Variants in R3HCC1 observed in about 807,000 individuals in gnomAD.
R3HCC1 encodes R3H and coiled-coil domain-containing protein 1.
Under a neutral mutation model 40.0 loss-of-function variants are expected in R3HCC1, and 32 were observed. The observed-to-expected ratio is 0.80, with a 90% CI of 0.60 to 1.07. The LOEUF is 1.07. Among genes scored for constraint, R3HCC1 ranks in the 50% least tolerant of loss-of-function variants. The probability of loss-of-function intolerance (pLI) is 0.00; values close to 1 mark genes in which losing one functional copy is unlikely to be tolerated. For missense variants in R3HCC1, 586 were observed against 563.3 expected, an observed-to-expected ratio of 1.04 and a Z score of -0.41; for synonymous variants, 237 against 232.8, an observed-to-expected ratio of 1.02 and a Z score of -0.17.
intron 4 of R3HCC1, 23 bp from the exon 5 acceptor site, chr8:23,291,338 G>GCT: frequency 2.6e-6 from 4 of 1,541,624 alleles, no homozygotes; most frequent in Non-Finnish European, 1.8e-6. Flanking sequence ...AGCTCCCCTT[G>GCT]CTAAGGGTCC....
Position 23,289,878 on chromosome 8 carries a change from G to A in R3HCC1, c.261G>A (p.Ser87=), listed in dbSNP as rs1337256748. The change falls in exon 4 of 8, where the codon TCG becomes TCA. Residue 87 remains serine, a synonymous_variant. Coordinates refer to ENST00000265806, the MANE Select transcript of R3HCC1 (RefSeq NM_001136108.3). Reference sequence around the variant, plus strand: ...ATTCCTGCTCCAGGGTACCCAGTTCGGATGGCCTCTCTGGCCCCTGCCGCG... The same window carrying A: ...ATTCCTGCTCCAGGGTACCCAGTTCAGATGGCCTCTCTGGCCCCTGCCGCG... The A allele has an allele frequency of 5.9e-6, 9 of 1,517,996 alleles. No homozygotes were observed. Among genetic ancestry groups the A allele is most frequent in the South Asian group, 4.9e-5 (4 of 81,458 alleles). The allele number at this position is 1,517,996 out of a possible 1,614,324, so 94.0% of individuals were successfully genotyped here. A position where few individuals can be genotyped will look rare whatever the true frequency, so the allele number is the denominator to read the frequency against.
In R3HCC1 at chr8:23,290,375, G is replaced by A. The variant is rs537417619; in HGVS notation, c.758G>A (p.Arg253Lys). The A allele has an allele frequency of 2.6e-6, 4 of 1,551,880 alleles. No individual in the cohort carries two copies. Among genetic ancestry groups the A allele is most frequent in the Non-Finnish European group, 8.7e-7 (1 of 1,147,046 alleles). The change falls in exon 4 of 8, where the codon AGG becomes AAG. Residue 253 changes from arginine to lysine, a missense_variant. Coordinates refer to ENST00000265806, the MANE Select transcript of R3HCC1 (RefSeq NM_001136108.3). Reference sequence around the variant, plus strand: ...GGGAAGGAGAGTCTGTTGGAGAAGAGGCTGGTGGCAGAGGAGGAAGAGGAC... The same window carrying A: ...GGGAAGGAGAGTCTGTTGGAGAAGAAGCTGGTGGCAGAGGAGGAAGAGGAC...
intron 4 of R3HCC1, 33 bp downstream of exon 4, chr8:23,290,502 C>G (rs140640788): frequency 6.6e-7 from 1 of 1,524,590 alleles, no homozygotes; most frequent in Non-Finnish European, 8.8e-7. Flanking sequence ...AAAGGGAGGG[C>G]GGAGGTGAGG....
chr8:23,295,693 TGCAG>T (rs1394780645), intron 7 of R3HCC1: 1 of 540,414 alleles, frequency 1.9e-6, no homozygotes, highest in African/African-American at 1.9e-5. Flanking sequence ...CAGGGAGGTG[TGCAG>T]GATGAACCCC....
At chr8:23,292,954 C>G (rs1802900248) in intron 5 of R3HCC1, among the ~76,000 whole-genome samples, 2 of 152,224 alleles carry the variant, frequency 1.3e-5, no homozygotes, top group South Asian at 2.1e-4. Context: ...ACCCTTTCTT[C>G]CCCAGCCTCA....
Position 23,290,137 on chromosome 8 carries a change from G to C in R3HCC1, c.520G>C (p.Gly174Arg). The change falls in exon 4 of 8, where the codon GGT (glycine) becomes CGT (arginine). Residue 174 changes from glycine (G) to arginine (R), a missense_variant. Coordinates refer to ENST00000265806, the MANE Select transcript of R3HCC1 (RefSeq NM_001136108.3). Reference sequence around the variant, plus strand: ...GGACCCAGAAGAGCCTGGAGATGTTGGTGCTGGAGACCCCAACTCTGATCA... The same window carrying C: ...GGACCCAGAAGAGCCTGGAGATGTTCGTGCTGGAGACCCCAACTCTGATCA... 1 of 1,551,540 alleles carries C rather than the reference G, an allele frequency of 6.4e-7. No individual in the cohort carries two copies. Among genetic ancestry groups the C allele is most frequent in the Non-Finnish European group, 8.7e-7 (1 of 1,147,004 alleles).
chr8:23,295,640 G>T (rs1238176460), intron 7 of R3HCC1: 2 of 475,572 alleles, frequency 4.2e-6, no homozygotes, highest in East Asian at 8.9e-5. Context: ...AGCTCTGGGT[G>T]TTCCATCCTG....
chr8:23,288,993 C>T, intron 2 of R3HCC1, 23 bp from the exon 3 acceptor site: 1 of 1,536,040 alleles, frequency 6.5e-7, no homozygotes, highest in Non-Finnish European at 8.7e-7. Context: ...ACCTGCTCAG[C>T]ACTTCTTCCC....
chr8:23,296,254 T>C lies in R3HCC1; in HGVS notation c.*157T>C. ...TTTAGTCCCAGAAATGGAGAAAAAA[T>C]AAAAACTCACGTTGTTCTAATGTGA... On this transcript the variant is annotated 3_prime_UTR_variant, in exon 8 of 8. Transcript: ENST00000265806. The C allele has an allele frequency of 1.1e-6, 1 of 886,238 alleles. No individual in the cohort carries two copies. Among genetic ancestry groups the C allele is most frequent in the Non-Finnish European group, 1.6e-6 (1 of 615,854 alleles). 54.9% of individuals were successfully genotyped at this position (886,238 alleles called of 1,614,324 possible). A position where few individuals can be genotyped will look rare whatever the true frequency, so the allele number is the denominator to read the frequency against.
chr8:23,293,667 G>C (rs1177898839), intron 6 of R3HCC1, among the ~76,000 whole-genome samples: 1 of 152,210 alleles, frequency 6.6e-6, no homozygotes, highest in Non-Finnish European at 1.5e-5. Flanking sequence ...GGATGTCCCT[G>C]TGTTAAATGA....
At chr8:23,294,647 G>A (rs747215291) in intron 6 of R3HCC1, 122 bp from the exon 7 acceptor site, 9 of 747,740 alleles carry the variant, frequency 1.2e-5, no homozygotes, top group East Asian at 8.2e-5. Flanking sequence ...GGGCGGTGTC[G>A]GAGCAGCCCT....
chr8:23,289,058 G>T lies in R3HCC1; in HGVS notation c.153G>T (p.Leu51=), dbSNP rs1173414921. The change falls in exon 3 of 8, where the codon CTG becomes CTT. Residue 51 remains leucine (L), a synonymous_variant. Transcript: ENST00000265806. ...CACTCTCCAGTCGCCTCCGGTACCT[G>T]ATCCATAGAACAGCAGAGAATTTTG... 6.5e-7 allele frequency: 1 copy of T among 1,536,502 alleles called. No individual in the cohort carries two copies. Among genetic ancestry groups the T allele is most frequent in the Non-Finnish European group, 8.7e-7 (1 of 1,147,024 alleles).
At chr8:23,295,914 A>G in intron 7 of R3HCC1, 53 bp from the exon 8 acceptor site, 1 of 1,498,306 alleles carries the variant, frequency 6.7e-7, no homozygotes, top group East Asian at 2.5e-5. Context: ...TTGCTGGGGG[A>G]GAGGCAGCCA....
intron 5 of R3HCC1, 44 bp from the exon 6 acceptor site, chr8:23,293,255 TTGAC>T: frequency 6.8e-7 from 1 of 1,464,904 alleles, no homozygotes; most frequent in Non-Finnish European, 9.2e-7. Flanking sequence ...GAAGAGGAGT[TTGAC>T]TGCTTGCTTT....
chr8:23,292,725 G>A (rs950079843), intron 5 of R3HCC1, among the ~76,000 whole-genome samples: 1 of 152,256 alleles, frequency 6.6e-6, no homozygotes, highest in Non-Finnish European at 1.5e-5. Flanking sequence ...AGCCGAAGGG[G>A]TGGCTAGGGG....
At chr8:23,291,176 G>C (rs1206618104) in intron 4 of R3HCC1, 185 bp from the exon 5 acceptor site, 4 of 655,310 alleles carry the variant, frequency 6.1e-6, no homozygotes, top group Non-Finnish European at 4.9e-6. Context: ...ATACAAGTAA[G>C]TGCCCTCCCG....
At position 23,288,562 on chromosome 8, in the gene R3HCC1, A is replaced by G. The variant is rs752680127; in HGVS notation, c.39A>G (p.Ser13=). The stretch of plus-strand genomic sequence containing the variant: ...GCTTGGATGGTGTCTTCCTCTCCTC[A>G]GCCGAGAATGACTTCGTCCACCGGA... Residue 13 remains serine, a synonymous_variant, in exon 2 of 8, where the codon TCA becomes TCG. Transcript: ENST00000265806. The G allele has an allele frequency of 1.5e-5, 23 of 1,535,714 alleles. No homozygotes were observed. The South Asian group carries it at 2.6e-4, about 17-fold the overall frequency.
At chr8:23,293,987 T>C (rs1451663576) in intron 6 of R3HCC1, among the ~76,000 whole-genome samples, 1 of 152,212 alleles carries the variant, frequency 6.6e-6, no homozygotes, top group African/African-American at 2.4e-5. Context: ...TAATTTATAG[T>C]TACCCGCGCC....
At position 23,296,041 on chromosome 8, in the gene R3HCC1, G is replaced by A. The variant is rs1408137437; in HGVS notation, c.1267G>A (p.Gly423Arg). The change falls in exon 8 of 8, where the codon GGA (glycine) becomes AGA (arginine). Residue 423 changes from glycine (G) to arginine (R), a missense_variant. Physicochemically the swap from Gly to Arg is moderately radical, Grantham distance 125 (BLOSUM62 -2). Transcript: ENST00000265806. ...CCGGCGGCTGGTGGCCCGGGCCCTG[G>A]GACTCCAACACAAAAAGAAAGAGCG... 1.9e-6 allele frequency: 3 copies of A among 1,550,648 alleles called. No homozygotes were observed. The highest frequency in any genetic ancestry group is 2.6e-6 in the Non-Finnish European group (3 of 1,146,936).
Sources: gnomAD v4.1 joint callset for allele counts (sites outside exome capture counted in the v4.1 genomes callset) on GRCh38, gnomAD v4.1.1 for gene constraint, MANE v1.5 for transcripts, NCBI Gene and HGNC (gene_info 2026-07-23, HGNC 2026-07-21) for gene names.